The following CCDC175 variants were observed in gnomAD, a reference collection of about 807,000 sequenced individuals.
CCDC175 encodes the protein coiled-coil domain-containing protein 175.
In CCDC175, 100 loss-of-function variants were observed where a neutral mutation model predicts 114.6. The observed-to-expected ratio is 0.87, with a 90% CI of 0.74 to 1.03. The LOEUF (loss-of-function observed/expected upper bound fraction) is 1.03. CCDC175 is among the 50% of genes least tolerant of loss of function. The probability of loss-of-function intolerance (pLI) is 0.00; values close to 1 mark genes in which losing one functional copy is unlikely to be tolerated. For synonymous variants in CCDC175, 306 were observed against 308.7 expected (o/e 0.99, Z 0.09); for missense variants, 880 against 917.8 (o/e 0.96, Z 0.53).
At chr14:59,518,075 ATTCCCTATT>A (rs1207891688) in intron 17 of CCDC175, among the ~76,000 whole-genome samples, 1 of 152,224 alleles carries the variant, frequency 6.6e-6, no homozygotes, top group Non-Finnish European at 1.5e-5. Context: ...TGGGGAAACG[ATTCCCTATT>A]TAATAATTAG....
chr14:59,566,686 C>G (rs1332085071), intron 4 of CCDC175, among the ~76,000 whole-genome samples: 1 of 152,112 alleles, frequency 6.6e-6, no homozygotes, highest in African/African-American at 2.4e-5. Flanking sequence ...CAGTGTGGAG[C>G]CTCAGGAAAA....
At chr14:59,514,688 G>T (rs973705931) in intron 17 of CCDC175, among the ~76,000 whole-genome samples, 1 of 152,212 alleles carries the variant, frequency 6.6e-6, no homozygotes, top group Non-Finnish European at 1.5e-5. Context: ...ATCTACGTCT[G>T]ATTGGTGTAC....
intron 17 of CCDC175, among the ~76,000 whole-genome samples, chr14:59,513,797 C>G (rs976849400): frequency 6.6e-6 from 1 of 152,220 alleles, no homozygotes; most frequent in Non-Finnish European, 1.5e-5. Flanking sequence ...ATGTCCCTGT[C>G]TGACAGCTTT....
chr14:59,529,399 C>A (rs1893934184), intron 14 of CCDC175, among the ~76,000 whole-genome samples: 1 of 152,170 alleles, frequency 6.6e-6, no homozygotes, highest in Non-Finnish European at 1.5e-5. Context: ...ACTCAGCTAA[C>A]TGCACAAGAA....
intron 4 of CCDC175, among the ~76,000 whole-genome samples, chr14:59,567,461 T>A (rs558905742): frequency 1.3e-5 from 2 of 152,204 alleles, no homozygotes; most frequent in African/African-American, 4.8e-5. Context: ...TTTTTTCCCC[T>A]ATGATAAGGG....
intron 16 of CCDC175, among the ~76,000 whole-genome samples, chr14:59,522,483 G>T (rs1014589699): frequency 6.6e-6 from 1 of 152,078 alleles, no homozygotes; most frequent in Non-Finnish European, 1.5e-5. Context: ...TAAGCCAACC[G>T]CAAGGCCACA....
intron 7 of CCDC175, among the ~76,000 whole-genome samples, chr14:59,557,012 TTGG>T (rs1407673440): frequency 2.0e-5 from 3 of 152,214 alleles, no homozygotes; most frequent in Non-Finnish European, 4.4e-5. Context: ...TTCTACACTG[TTGG>T]TGGGACTGTA....
intron 17 of CCDC175, among the ~76,000 whole-genome samples, chr14:59,520,821 GA>G (rs1308045434): frequency 2.0e-5 from 3 of 152,078 alleles, no homozygotes; most frequent in African/African-American, 7.2e-5. Flanking sequence ...TGGTTTCCAG[GA>G]ACTAGAGATG....
At position 59,505,098 on chromosome 14, in the gene CCDC175, G is replaced by A; in HGVS notation, c.*141C>T. On this transcript the variant is annotated 3_prime_UTR_variant, in exon 20 of 20. Transcript: ENST00000537690. Reference sequence around the variant, plus strand: ...TTTATTGTTTAGAAGTTTATTTACTGATACTTGGTGGAGGTTGTGTGAATT... The same window carrying A: ...TTTATTGTTTAGAAGTTTATTTACTAATACTTGGTGGAGGTTGTGTGAATT... 2 of 444,164 alleles carry A rather than the reference G, an allele frequency of 4.5e-6. No individual in the cohort carries two copies. Among genetic ancestry groups the A allele is most frequent in the Non-Finnish European group, 8.0e-6 (2 of 248,988 alleles). The allele number at this position is 444,164 out of a possible 1,614,324, so 27.5% of individuals were successfully genotyped here. A position where few individuals can be genotyped will look rare whatever the true frequency, so the allele number is the denominator to read the frequency against.
chr14:59,563,029 T>C (rs34649904), intron 6 of CCDC175, among the ~76,000 whole-genome samples: 2,511 of 152,296 alleles, frequency 0.016, 38 homozygotes, highest in Non-Finnish European at 0.029. Context: ...CATGTGATTT[T>C]TCAAGACACA....
chr14:59,527,090 T>C lies in CCDC175; in HGVS notation c.1842+5A>G. The C allele has an allele frequency of 7.2e-7, 1 of 1,387,172 alleles. No individual in the cohort carries two copies. The highest frequency in any genetic ancestry group is 9.6e-7 in the Non-Finnish European group (1 of 1,046,676). The allele number at this position is 1,387,172 out of a possible 1,614,324, so 85.9% of individuals were successfully genotyped here. Reference sequence around the variant, plus strand: ...AAAAAAAGAATTAATGCATTGATCTTTTACCATGTTGCTAATGTATCTTGA... The same window carrying C: ...AAAAAAAGAATTAATGCATTGATCTCTTACCATGTTGCTAATGTATCTTGA... On this transcript the variant is annotated splice_donor_5th_base_variant and intron_variant, in intron 15 of 19. Coordinates refer to ENST00000537690, the MANE Select transcript of CCDC175 (RefSeq NM_001164399.2).
intron 9 of CCDC175, among the ~76,000 whole-genome samples, chr14:59,544,520 T>TAAATTC (rs1311526045): frequency 6.6e-6 from 1 of 152,150 alleles, no homozygotes; most frequent in African/African-American, 2.4e-5. Flanking sequence ...GTGGACTGAA[T>TAAATTC]TGTGCCTCCC....
At chr14:59,569,070 T>C (rs1232109168) in intron 3 of CCDC175, among the ~76,000 whole-genome samples, 1 of 152,234 alleles carries the variant, frequency 6.6e-6, no homozygotes, top group Admixed American at 6.5e-5. Flanking sequence ...AATAAGTCAG[T>C]GTAATCACGT....
At chr14:59,523,161 C>T (rs953793728) in intron 16 of CCDC175, among the ~76,000 whole-genome samples, 2 of 152,206 alleles carry the variant, frequency 1.3e-5, no homozygotes, top group African/African-American at 4.8e-5. Context: ...AAGAAATAAT[C>T]TATATCTTGA....
At chr14:59,549,636 C>T (rs1009370882) in intron 8 of CCDC175, among the ~76,000 whole-genome samples, 1 of 144,514 alleles carries the variant, frequency 6.9e-6, no homozygotes, top group Non-Finnish European at 1.5e-5. Context: ...AGGAGAATCG[C>T]TTGAACCCCA....
intron 1 of CCDC175, 118 bp downstream of exon 1, chr14:59,576,501 C>G: frequency 9.9e-7 from 1 of 1,008,748 alleles, no homozygotes; most frequent in South Asian, 2.4e-5. Flanking sequence ...GAAGGCTCTG[C>G]CCTGCCCAGT....
At chr14:59,524,239 A>AC in intron 16 of CCDC175, among the ~76,000 whole-genome samples, 1 of 152,216 alleles carries the variant, frequency 6.6e-6, no homozygotes, top group Non-Finnish European at 1.5e-5. Flanking sequence ...TTTGAATGCA[A>AC]CAGTTCTGGG....
At chr14:59,513,889 C>T (rs763456201) in intron 17 of CCDC175, among the ~76,000 whole-genome samples, 15 of 152,276 alleles carry the variant, frequency 9.9e-5, no homozygotes, top group South Asian at 2.1e-4. Context: ...CCTTGACCCC[C>T]GAGTAGCGTA....
At chr14:59,523,916 G>C (rs954532029) in intron 16 of CCDC175, among the ~76,000 whole-genome samples, 1 of 152,052 alleles carries the variant, frequency 6.6e-6, no homozygotes, top group Non-Finnish European at 1.5e-5. Context: ...GTGAACCTGG[G>C]AGGCGGAGCT....
Sources: gnomAD v4.1 joint callset for allele counts (sites outside exome capture counted in the v4.1 genomes callset) on GRCh38, gnomAD v4.1.1 for gene constraint, MANE v1.5 for transcripts, NCBI Gene and HGNC (gene_info 2026-07-23, HGNC 2026-07-21) for gene names.